Variants in KIF21A observed in about 807,000 individuals in gnomAD.
KIF21A encodes kinesin-like protein KIF21A.
A neutral mutation model predicts 202.9 loss-of-function variants in KIF21A; 114 were observed. That is an observed-to-expected ratio of 0.56 (90% CI 0.48 to 0.66). KIF21A has a LOEUF of 0.66. Ranked by LOEUF, KIF21A falls within the 30% of genes least tolerant of loss-of-function variation. KIF21A has a pLI of 0.00. For synonymous variants in KIF21A, 667 were observed against 670.8 expected, an observed-to-expected ratio of 0.99 and a Z score of 0.09; for missense variants, 1,677 against 1,994.9, an observed-to-expected ratio of 0.84 and a Z score of 3.04.
Position 39,363,135 on chromosome 12 carries a change from G to A in KIF21A, c.982C>T (p.Leu328=). Residue 328 remains leucine (L), a synonymous_variant, in exon 7 of 38, where the codon CTA becomes TTA. Coordinates refer to ENST00000361418, the MANE Select transcript of KIF21A (RefSeq NM_001173464.2). ...AGGGAATCCTGTAGTAGTCTTGTTA[G>A]CTTGGAATCTCTATAGGGGACATGT... ...ATHVPYRDSK[L]TRLLQDSLGG... The A allele has an allele frequency of 1.9e-6, 3 of 1,613,008 alleles. No individual in the cohort carries two copies. Among genetic ancestry groups the A allele is most frequent in the African/African-American group, 1.3e-5 (1 of 75,004 alleles).
At chr12:39,402,402 T>C (rs1157166228) in intron 1 of KIF21A, among the ~76,000 whole-genome samples, 1 of 152,156 alleles carries the variant, frequency 6.6e-6, no homozygotes, top group East Asian at 1.9e-4. Flanking sequence ...AAAGTATTTC[T>C]ACAATAAATA....
Position 39,337,093 on chromosome 12 carries a change from T to TA in KIF21A, c.2418+2dup, listed in dbSNP as rs759140668. 1 of 1,570,394 alleles carries TA rather than the reference T, an allele frequency of 6.4e-7. No homozygotes were observed. Among genetic ancestry groups the TA allele is most frequent in the Non-Finnish European group, 8.8e-7 (1 of 1,142,334 alleles). On this transcript the variant is annotated splice_region_variant and intron_variant, in intron 17 of 37. Coordinates refer to ENST00000361418, the MANE Select transcript of KIF21A (RefSeq NM_001173464.2). ...ATATAACTGAGAGTTAAAATCCACT[T>TA]ACATCTCTTTTACGTTGATCCTTTT... is the stretch of plus-strand genomic sequence containing the variant.
intron 1 of KIF21A, among the ~76,000 whole-genome samples, chr12:39,410,567 A>G (rs1299521648): frequency 1.3e-5 from 2 of 152,188 alleles, no homozygotes; most frequent in Non-Finnish European, 2.9e-5. Flanking sequence ...AAGCAATCCT[A>G]TTAACTATCT....
At position 39,321,631 on chromosome 12, in the gene KIF21A, A is replaced by G. The variant is rs546631561; in HGVS notation, c.3671+1037T>C. 3.9e-5 allele frequency: 6 copies of G among 152,372 alleles called. No homozygotes were observed. The South Asian group carries it at 1.2e-3, about 32-fold the overall frequency. 9.4% of individuals were successfully genotyped at this position (152,372 alleles called of 1,614,324 possible). A position where few individuals can be genotyped will look rare whatever the true frequency, so the allele number is the denominator to read the frequency against. ...CCATCATTAAAATTAATTCTGGAAC[A>G]AAAGGTAGCAGATGGGATACTGAAT... On this transcript the variant is annotated intron_variant, in intron 27 of 37. Transcript: ENST00000361418.
intron 1 of KIF21A, among the ~76,000 whole-genome samples, chr12:39,379,107 G>A (rs541446328): frequency 2.6e-5 from 4 of 152,138 alleles, no homozygotes; most frequent in South Asian, 2.1e-4. Flanking sequence ...TGAGGCAGGC[G>A]GATCACAAGG....
At chr12:39,392,192 T>C (rs913976157) in intron 1 of KIF21A, among the ~76,000 whole-genome samples, 1 of 152,166 alleles carries the variant, frequency 6.6e-6, no homozygotes, top group Non-Finnish European at 1.5e-5. Context: ...CAACATTAGT[T>C]AGAGCTAATT....
At chr12:39,409,282 G>C (rs1952875751) in intron 1 of KIF21A, among the ~76,000 whole-genome samples, 1 of 151,784 alleles carries the variant, frequency 6.6e-6, no homozygotes, top group African/African-American at 2.4e-5. Context: ...CACCTTAGGA[G>C]GCTGAGTTGG....
chr12:39,422,293 G>T (rs1954364697), intron 1 of KIF21A, among the ~76,000 whole-genome samples: 1 of 152,024 alleles, frequency 6.6e-6, no homozygotes, highest in Admixed American at 6.6e-5. Flanking sequence ...GAGAAAAATA[G>T]TTAACCCTTG....
chr12:39,341,600 T>C lies in KIF21A; in HGVS notation c.1826A>G (p.Asp609Gly), dbSNP rs1277934816. Residue 609 changes from aspartate (D) to glycine (G), a missense_variant, in exon 14 of 38, where the codon GAT (aspartate) becomes GGT (glycine). By Grantham distance (94) the Asp-to-Gly change is moderately conservative. This residue lies in a region of KIF21A where 966 missense variants were observed against 1,180.9 expected (regional missense o/e 0.82). Coordinates refer to ENST00000361418, the MANE Select transcript of KIF21A (RefSeq NM_001173464.2). ...CTCCTCCTCTTCTTCATCCTCATGA[T>C]CACTCACTTCTTGACTTTCTTCCTA... is the stretch of plus-strand genomic sequence containing the variant. ...LEVEESQEVS[D>G]HEDEEEEEEE... is the part of the protein sequence containing the mutation. The C allele has an allele frequency of 1.9e-6, 3 of 1,610,446 alleles. No homozygotes were observed. In the Admixed American group the frequency reaches 5.0e-5, roughly 27 times the overall value.
chr12:39,402,262 C>A (rs1390876281), intron 1 of KIF21A, among the ~76,000 whole-genome samples: 2 of 152,136 alleles, frequency 1.3e-5, no homozygotes, highest in Non-Finnish European at 2.9e-5. Flanking sequence ...GCCACCACCA[C>A]CACAACTTGG....
intron 34 of KIF21A, 88 bp from the exon 35 acceptor site, chr12:39,305,026 C>T (rs998904148): frequency 1.4e-6 from 1 of 719,804 alleles, no homozygotes; most frequent in Non-Finnish European, 2.5e-6. Flanking sequence ...TACATTCTTT[C>T]ATAAAATAAT....
chr12:39,423,041 A>G (rs369165718), intron 1 of KIF21A, among the ~76,000 whole-genome samples: 53 of 152,384 alleles, frequency 3.5e-4, no homozygotes, highest in African/African-American at 1.2e-3. Context: ...TGTGAGGATC[A>G]CATGAGTTAA....
In KIF21A at chr12:39,332,710, C is replaced by T. The variant is rs761776528; in HGVS notation, c.2737G>A (p.Val913Met). The change falls in exon 20 of 38, where the codon GTG becomes ATG. Residue 913 changes from valine to methionine, a missense_variant. Val to Met is a conservative substitution (Grantham distance 21, BLOSUM62 1). Around this residue, in one of 3 missense-constraint regions of KIF21A, gnomAD observed 966 missense variants for 1,180.9 expected, o/e 0.82. Coordinates refer to ENST00000361418, the MANE Select transcript of KIF21A (RefSeq NM_001173464.2). ...KYQRKGLTGR[V>M]FISKTARMKW... ...ATGCGAGCTGTCTTGGAAATAAACA[C>T]TCGGCCAGTCAATCCTTTCCTCTGA... is the stretch of plus-strand genomic sequence containing the variant. 73 of 1,614,158 alleles carry T rather than the reference C, an allele frequency of 4.5e-5. No homozygotes were observed. The highest frequency in any genetic ancestry group is 5.6e-5 in the Non-Finnish European group (66 of 1,180,028).
intron 1 of KIF21A, among the ~76,000 whole-genome samples, chr12:39,376,913 T>G (rs1950306422): frequency 6.6e-6 from 1 of 152,180 alleles, no homozygotes; most frequent in African/African-American, 2.4e-5. Context: ...ACATACAACA[T>G]GTCTTCCTTT....
In KIF21A at chr12:39,436,451, T is replaced by A. The variant is rs1185901653; in HGVS notation, c.44+6476A>T. Among the ~76,000 whole-genome samples, 249 of 128,108 alleles carry A rather than the reference T, an allele frequency of 1.9e-3. 4 individuals are homozygous for A. Among genetic ancestry groups the A allele is most frequent in the African/African-American group, 6.5e-3 (222 of 34,126 alleles). The allele number at this position is 128,108 out of a possible 152,430, so 84.0% of individuals were successfully genotyped here. On this transcript the variant is annotated intron_variant, in intron 1 of 37. Transcript: ENST00000361418. ...ATATATATATATATATATATATATT[T>A]TTTTTTTTTTTAGACAGGGTTTCAT...
chr12:39,407,761 C>T (rs1343956284), intron 1 of KIF21A, among the ~76,000 whole-genome samples: 1 of 152,108 alleles, frequency 6.6e-6, no homozygotes, highest in East Asian at 1.9e-4. Flanking sequence ...CAACAAGGTG[C>T]TATCCTCATG....
At chr12:39,346,576 G>T in intron 11 of KIF21A, 72 bp from the exon 12 acceptor site, 2 of 1,048,378 alleles carry the variant, frequency 1.9e-6, no homozygotes, top group Non-Finnish European at 2.5e-6. Context: ...AAAAGCGAAA[G>T]TGATAAGAAG....
At chr12:39,375,985 C>G (rs1336575241) in intron 1 of KIF21A, among the ~76,000 whole-genome samples, 2 of 152,126 alleles carry the variant, frequency 1.3e-5, no homozygotes, top group African/African-American at 4.8e-5. Context: ...TGAAAATTCT[C>G]TAAGTCATTT....
At chr12:39,341,732 T>A in intron 13 of KIF21A, 110 bp from the exon 14 acceptor site, 1 of 1,159,738 alleles carries the variant, frequency 8.6e-7, no homozygotes, top group South Asian at 1.4e-5. Context: ...AAAAATTCAC[T>A]TGTCATCAGT....
Sources: gnomAD v4.1 joint callset for allele counts (sites outside exome capture counted in the v4.1 genomes callset) on GRCh38, gnomAD v4.1.1 for gene constraint, gnomAD v4.1.1 regional missense constraint, MANE v1.5 for transcripts, NCBI Gene and HGNC (gene_info 2026-07-23, HGNC 2026-07-21) for gene names.